EYS: variants seen among roughly 807,000 people sequenced by gnomAD.
EYS encodes EGF-like photoreceptor maintenance factor.
A neutral mutation model predicts 282.1 loss-of-function variants in EYS; 250 were observed. That is an observed-to-expected ratio of 0.89 (90% CI 0.80 to 0.98). The LOEUF is 0.98. Ranked by LOEUF, EYS falls within the 50% of genes least tolerant of loss-of-function variation. EYS has a pLI of 0.00. For missense variants in EYS, 4,016 were observed against 3,709.0 expected (o/e 1.08, Z -2.15); for synonymous variants, 1,355 against 1,282.9 (o/e 1.06, Z -1.20).
At chr6:64,997,035 A>C (rs1771286593) in intron 14 of EYS, among the ~76,000 whole-genome samples, 1 of 152,156 alleles carries the variant, frequency 6.6e-6, no homozygotes, top group South Asian at 2.1e-4. Flanking sequence ...AGGGGATCCC[A>C]AATCAATTGC....
rs553051590 is a variant in EYS, at chr6:64,189,833, C to T, written c.6424+40759G>A. ...TCTTTATACACTACAACAGTAGAAT[C>T]GAATAATTGCAGCAGAGAATGCATA... On this transcript the variant is annotated intron_variant, in intron 31 of 42. Transcript: ENST00000503581. Among the ~76,000 whole-genome samples the T allele has an allele frequency of 2.4e-4, 37 of 152,216 alleles. No individual in the cohort carries two copies. In the South Asian group the frequency reaches 6.2e-3, roughly 26 times the overall value.
At chr6:65,256,441 C>T (rs1057326026) in intron 12 of EYS, among the ~76,000 whole-genome samples, 2 of 134,270 alleles carry the variant, frequency 1.5e-5, no homozygotes. Context: ...CACCACAGTC[C>T]CCAGAGTGTG....
intron 22 of EYS, among the ~76,000 whole-genome samples, chr6:64,741,865 C>G (rs920564374): frequency 1.3e-5 from 2 of 152,164 alleles, no homozygotes; most frequent in Non-Finnish European, 2.9e-5. Flanking sequence ...AATGTCATAC[C>G]TGGTTTGATC....
intron 39 of EYS, among the ~76,000 whole-genome samples, chr6:63,785,143 A>G (rs1461354362): frequency 6.6e-6 from 1 of 152,214 alleles, no homozygotes; most frequent in Non-Finnish European, 1.5e-5. Context: ...ACTGGTAGCA[A>G]TAGTAAAAGA....
At position 64,261,415 on chromosome 6, in the gene EYS, G is replaced by A. The variant is rs988906246; in HGVS notation, c.6192-30591C>T. On this transcript the variant is annotated intron_variant, in intron 30 of 42. Transcript: ENST00000503581. Reference sequence around the variant, plus strand: ...TATATTTAATCTAAGATATAGACACGTAAATAAAAACTTTACTTTGTATTT... The same window carrying A: ...TATATTTAATCTAAGATATAGACACATAAATAAAAACTTTACTTTGTATTT... Among the ~76,000 whole-genome samples the A allele has an allele frequency of 3.9e-5, 6 of 152,034 alleles. No homozygotes were observed. In the South Asian group the frequency reaches 6.2e-4, roughly 16 times the overall value.
intron 5 of EYS, among the ~76,000 whole-genome samples, chr6:65,477,307 G>A (rs1176572324): frequency 6.6e-6 from 1 of 152,156 alleles, no homozygotes; most frequent in East Asian, 1.9e-4. Flanking sequence ...TTAGAGAGAT[G>A]TTTCTACATG....
At chr6:64,663,031 T>C (rs1035127045) in intron 22 of EYS, among the ~76,000 whole-genome samples, 4 of 152,310 alleles carry the variant, frequency 2.6e-5, no homozygotes, top group South Asian at 4.1e-4. Context: ...AATAGGAATG[T>C]ATTCAAGAAA....
intron 24 of EYS, among the ~76,000 whole-genome samples, chr6:64,596,084 G>C (rs140798327): frequency 2.6e-5 from 4 of 152,052 alleles, no homozygotes; most frequent in East Asian, 3.9e-4. Flanking sequence ...AGCCAGGGAG[G>C]GGATGGGTAG....
rs1767247946 is a variant in EYS, at chr6:63,984,306, C to A, written c.7055+77G>T. On this transcript the variant is annotated intron_variant, in intron 35 of 42. Transcript: ENST00000503581. ...CTTGTCATTTTCGTCTCTCAGAGGA[C>A]AATACTGCTGGCTTTTGTTGTTTTA... The A allele has an allele frequency of 4.8e-6, 5 of 1,040,940 alleles. No homozygotes were observed. In the Admixed American group the frequency reaches 1.1e-4, roughly 22 times the overall value. 64.5% of individuals were successfully genotyped at this position (1,040,940 alleles called of 1,614,324 possible). A position where few individuals can be genotyped will look rare whatever the true frequency, so the allele number is the denominator to read the frequency against.
chr6:65,320,487 T>A (rs1769443019), intron 11 of EYS, among the ~76,000 whole-genome samples: 3 of 152,126 alleles, frequency 2.0e-5, no homozygotes, highest in Non-Finnish European at 4.4e-5. Context: ...GTGGAGTTCC[T>A]CCTATTAACT....
intron 40 of EYS, among the ~76,000 whole-genome samples, chr6:63,770,960 T>A (rs1193151689): frequency 6.6e-6 from 1 of 152,152 alleles, no homozygotes; most frequent in Non-Finnish European, 1.5e-5. Flanking sequence ...CTCACCTAGG[T>A]CCTTGGTGAT....
At chr6:64,769,294 C>A (rs968650576) in intron 22 of EYS, among the ~76,000 whole-genome samples, 38 of 152,000 alleles carry the variant, frequency 2.5e-4, no homozygotes, top group African/African-American at 8.5e-4. Flanking sequence ...GAATGCCTAA[C>A]TCTGTTTGCC....
chr6:65,283,425 AGTAGCAACATTTATCAATATG>A (rs1195241854), intron 12 of EYS, among the ~76,000 whole-genome samples: 8 of 152,030 alleles, frequency 5.3e-5, no homozygotes, highest in Non-Finnish European at 4.4e-5. Context: ...GTTAGCATTT[AGTAGCAACATTTATCAATATG>A]GTGGCAGTTC....
chr6:64,644,891 T>C (rs1226716628), intron 22 of EYS, among the ~76,000 whole-genome samples: 1 of 152,144 alleles, frequency 6.6e-6, no homozygotes, highest in Non-Finnish European at 1.5e-5. Flanking sequence ...ATGGGAGAAA[T>C]TTCTATATGA....
chr6:63,942,658 A>T (rs1423520993), intron 35 of EYS, among the ~76,000 whole-genome samples: 6 of 152,226 alleles, frequency 3.9e-5, no homozygotes, highest in Non-Finnish European at 7.3e-5. Flanking sequence ...ATGGACATTG[A>T]AACTAAAGCA....
intron 12 of EYS, among the ~76,000 whole-genome samples, chr6:65,266,185 C>T (rs1001560043): frequency 1.3e-5 from 2 of 151,826 alleles, no homozygotes; most frequent in Non-Finnish European, 2.9e-5. Context: ...GTTCAATCAA[C>T]TTAAGATTAT....
intron 26 of EYS, among the ~76,000 whole-genome samples, chr6:64,502,921 TG>T (rs769134425): frequency 8.5e-5 from 13 of 152,360 alleles, no homozygotes; most frequent in East Asian, 1.9e-4. Flanking sequence ...GGCATAAGTC[TG>T]AGCTATTTTA....
At chr6:64,120,442 AATCT>A (rs749015769) in intron 31 of EYS, among the ~76,000 whole-genome samples, 5 of 151,836 alleles carry the variant, frequency 3.3e-5, no homozygotes, top group Admixed American at 6.6e-5. Flanking sequence ...TGATAATACA[AATCT>A]TGCTAATGAT....
chr6:64,469,656 C>T (rs1405378282), intron 26 of EYS, among the ~76,000 whole-genome samples: 1 of 151,956 alleles, frequency 6.6e-6, no homozygotes. Flanking sequence ...CTAGGGATAG[C>T]GTTAGTGTCA....
Sources: gnomAD v4.1 joint callset for allele counts (sites outside exome capture counted in the v4.1 genomes callset) on GRCh38, gnomAD v4.1.1 for gene constraint, MANE v1.5 for transcripts, NCBI Gene and HGNC (gene_info 2026-07-23, HGNC 2026-07-21) for gene names.